Variants in TRIO observed in about 807,000 individuals in gnomAD.
TRIO encodes triple functional domain protein.
Under a neutral mutation model 351.9 loss-of-function variants are expected in TRIO, and 58 were observed. The observed-to-expected ratio is 0.16, with a 90% CI of 0.13 to 0.21. The LOEUF is 0.21. Among genes scored for constraint, TRIO ranks in the 10% least tolerant of loss-of-function variants. The pLI, the probability that TRIO is intolerant of heterozygous loss-of-function variation, is 1.00. For missense variants in TRIO, 3,201 were observed against 4,027.8 expected (o/e 0.79, Z 5.56); for synonymous variants, 1,758 against 1,595.7 (o/e 1.10, Z -2.42).
chr5:14,373,449 A>G (rs1213201688), intron 18 of TRIO, among the ~76,000 whole-genome samples: 1 of 152,218 alleles, frequency 6.6e-6, no homozygotes, highest in Non-Finnish European at 1.5e-5. Flanking sequence ...TCCTTGAAGA[A>G]AAGATTAATT....
chr5:14,282,067 C>T (rs1294462934), intron 3 of TRIO, among the ~76,000 whole-genome samples: 3 of 152,180 alleles, frequency 2.0e-5, no homozygotes, highest in African/African-American at 7.2e-5. Flanking sequence ...CTTGGGTTTT[C>T]TGTCAGAGTA....
intron 33 of TRIO, among the ~76,000 whole-genome samples, chr5:14,418,093 T>G (rs1749788791): frequency 6.6e-6 from 1 of 152,110 alleles, no homozygotes; most frequent in Non-Finnish European, 1.5e-5. Flanking sequence ...ACTTCAGAAT[T>G]GAAGTGCCAT....
intron 48 of TRIO, among the ~76,000 whole-genome samples, chr5:14,490,112 A>G (rs1185825337): frequency 1.3e-5 from 2 of 152,156 alleles, no homozygotes; most frequent in Non-Finnish European, 2.9e-5. Flanking sequence ...TACTAAAAAT[A>G]AAATTAGCTG....
At chr5:14,241,686 A>G (rs1284476488) in intron 1 of TRIO, among the ~76,000 whole-genome samples, 1 of 152,216 alleles carries the variant, frequency 6.6e-6, no homozygotes, top group Non-Finnish European at 1.5e-5. Flanking sequence ...AATTTTCAAG[A>G]AGGCAAAACA....
chr5:14,417,943 C>G lies in TRIO; in HGVS notation c.4960-1835C>G, dbSNP rs1328929193. ...TAAGTCACATGCCTACCACCACTGG[C>G]ACTGGGGGACTCAGGGTGACTGTGC... On this transcript the variant is annotated intron_variant, in intron 33 of 56. Coordinates refer to ENST00000344204, the MANE Select transcript of TRIO (RefSeq NM_007118.4). Among the ~76,000 whole-genome samples, 3 of 152,220 alleles carry G rather than the reference C, an allele frequency of 2.0e-5. No homozygotes were observed. The East Asian group carries it at 5.8e-4, about 29-fold the overall frequency.
intron 3 of TRIO, among the ~76,000 whole-genome samples, chr5:14,284,283 A>C (rs747973254): frequency 1.3e-5 from 2 of 152,200 alleles, no homozygotes; most frequent in African/African-American, 4.8e-5. Flanking sequence ...TTCCCAAAGA[A>C]CAGTGTCTCT....
At chr5:14,364,024 T>A in intron 14 of TRIO, 97 bp downstream of exon 14, 1 of 1,254,834 alleles carries the variant, frequency 8.0e-7, no homozygotes, top group Middle Eastern at 2.6e-4. Context: ...TTTTGTTAGT[T>A]CCTATGATAA....
chr5:14,236,656 G>A (rs1411543830), intron 1 of TRIO, among the ~76,000 whole-genome samples: 1 of 152,148 alleles, frequency 6.6e-6, no homozygotes, highest in African/African-American at 2.4e-5. Context: ...TGTGTGGAAT[G>A]TCTTAGTATA....
chr5:14,315,472 C>T (rs943492239), intron 8 of TRIO, among the ~76,000 whole-genome samples: 3 of 152,038 alleles, frequency 2.0e-5, no homozygotes, highest in Admixed American at 6.5e-5. Context: ...AGGATGGTCT[C>T]GATCTCTTGA....
chr5:14,349,108 ATG>A (rs1742764525), intron 11 of TRIO, among the ~76,000 whole-genome samples: 1 of 122,272 alleles, frequency 8.2e-6, no homozygotes, highest in African/African-American at 3.2e-5. Flanking sequence ...CTGTGTGTAT[ATG>A]TGTGTGCATG....
chr5:14,160,274 T>G (rs1299685963), intron 1 of TRIO, among the ~76,000 whole-genome samples: 1 of 152,222 alleles, frequency 6.6e-6, no homozygotes. Context: ...CAAGAGTCTC[T>G]TAGTGCAGTG....
intron 1 of TRIO, among the ~76,000 whole-genome samples, chr5:14,201,766 A>G (rs1234366258): frequency 6.6e-6 from 1 of 152,188 alleles, no homozygotes; most frequent in Non-Finnish European, 1.5e-5. Flanking sequence ...ACAGGCCTAC[A>G]TTTATATAAA....
intron 34 of TRIO, among the ~76,000 whole-genome samples, chr5:14,421,232 T>TTTA (rs373090821): frequency 6.3e-5 from 3 of 47,806 alleles, no homozygotes; most frequent in African/African-American, 3.7e-4. Flanking sequence ...TATTTATTTA[T>TTTA]TTTATTTTAT....
At chr5:14,403,493 G>A (rs1748360836) in intron 31 of TRIO, among the ~76,000 whole-genome samples, 2 of 114,238 alleles carry the variant, frequency 1.8e-5, no homozygotes, top group African/African-American at 3.6e-5. Flanking sequence ...GCAGGTGGTG[G>A]TGGTGAGGGT....
In TRIO at chr5:14,282,337, T is replaced by TA. The variant is rs537555063; in HGVS notation, c.347+1911dup. On this transcript the variant is annotated intron_variant, in intron 3 of 56. Transcript: ENST00000344204. ...GAAAAAGAAATACAAAGGGCAGGGT[T>TA]AAAAAAAAAATAACTGCCAATCAAA... Among the ~76,000 whole-genome samples, 11 of 149,480 alleles carry TA rather than the reference T, an allele frequency of 7.4e-5. No homozygotes were observed. In the East Asian group the frequency reaches 1.2e-3, roughly 16 times the overall value.
At chr5:14,481,769 TC>T (rs1483994238) in intron 45 of TRIO, 151 bp downstream of exon 45, 1 of 505,882 alleles carries the variant, frequency 2.0e-6, no homozygotes, top group Admixed American at 4.2e-5. Flanking sequence ...ATATTTTATT[TC>T]CTTTTTTTTT....
chr5:14,305,738 C>T (rs1045130295), intron 8 of TRIO, among the ~76,000 whole-genome samples: 4 of 152,230 alleles, frequency 2.6e-5, no homozygotes, highest in Non-Finnish European at 5.9e-5. Flanking sequence ...CCTGTCTTGA[C>T]ATCCTAGTGT....
chr5:14,405,856 C>T lies in TRIO; in HGVS notation c.4725C>T (p.Ser1575=), dbSNP rs756378628. 3 of 1,613,806 alleles carry T rather than the reference C, an allele frequency of 1.9e-6. No homozygotes were observed. The highest frequency in any genetic ancestry group is 2.5e-6 in the Non-Finnish European group (3 of 1,179,912). ...GCTAACACCTTGTTAAGGCTTCCAG[C>T]ATAGAGAACAAGCAGGACTGGATAA... ...SDNKIVLKAS[S]IENKQDWIKH... The change falls in exon 32 of 57, where the codon AGC becomes AGT. Residue 1575 remains serine (S), a synonymous_variant. Coordinates refer to ENST00000344204, the MANE Select transcript of TRIO (RefSeq NM_007118.4).
chr5:14,488,185 T>C lies in TRIO; in HGVS notation c.7557T>C (p.Pro2519=), dbSNP rs777664340. The C allele has an allele frequency of 6.9e-6, 11 of 1,600,054 alleles. No individual in the cohort carries two copies. In the African/African-American group the frequency reaches 1.5e-4, roughly 21 times the overall value. Residue 2519 remains proline (P), a synonymous_variant, in exon 48 of 57, where the codon CCT becomes CCC. Coordinates refer to ENST00000344204, the MANE Select transcript of TRIO (RefSeq NM_007118.4). ...LQRQTPRHAA[P]GKDTDRMSTC... is the part of the protein sequence containing the mutation. ...GGCAGACACCCCGCCACGCGGCCCC[T>C]GGCAAGGATACTGACCGCATGAGCA...
Sources: gnomAD v4.1 joint callset for allele counts (sites outside exome capture counted in the v4.1 genomes callset) on GRCh38, gnomAD v4.1.1 for gene constraint, MANE v1.5 for transcripts, NCBI Gene and HGNC (gene_info 2026-07-23, HGNC 2026-07-21) for gene names.